FGD4: variants seen among roughly 807,000 people sequenced by gnomAD.
FGD4 encodes FYVE, RhoGEF and PH domain-containing protein 4.
FGD4 carries 42 observed loss-of-function variants against 102.0 expected under a neutral mutation model. The observed-to-expected ratio is 0.41, with a 90% CI of 0.32 to 0.53. FGD4 has a LOEUF of 0.53. Ranked by LOEUF, FGD4 falls within the 20% of genes least tolerant of loss-of-function variation. The probability of loss-of-function intolerance (pLI) is 0.21; values close to 1 mark genes in which losing one functional copy is unlikely to be tolerated. For synonymous variants in FGD4, 380 were observed against 375.7 expected (o/e 1.01, Z -0.13); for missense variants, 902 against 1,078.2 (o/e 0.84, Z 2.29).
intron 1 of FGD4, among the ~76,000 whole-genome samples, chr12:32,474,490 A>G (rs879393329): frequency 3.9e-5 from 6 of 152,226 alleles, no homozygotes; most frequent in Non-Finnish European, 7.3e-5. Context: ...CCAGTCACAA[A>G]AGACCATGTG....
chr12:32,460,504 A>G (rs543946249), intron 1 of FGD4, among the ~76,000 whole-genome samples: 2 of 142,586 alleles, frequency 1.4e-5, no homozygotes, highest in East Asian at 3.9e-4. Flanking sequence ...CCCGGTCTCA[A>G]AAAAAAAAAA....
intron 1 of FGD4, among the ~76,000 whole-genome samples, chr12:32,456,622 G>C (rs1942955372): frequency 6.6e-6 from 1 of 151,994 alleles, no homozygotes; most frequent in Non-Finnish European, 1.5e-5. Flanking sequence ...TTTAATTTTG[G>C]ATCTGTTTTG....
chr12:32,591,785 A>G (rs1168177102), intron 4 of FGD4, among the ~76,000 whole-genome samples: 1 of 152,236 alleles, frequency 6.6e-6, no homozygotes, highest in Non-Finnish European at 1.5e-5. Context: ...TTCATGAAGC[A>G]GTGGGCTACA....
At position 32,640,385 on chromosome 12, in the gene FGD4, A is replaced by G. The variant is rs1951099839; in HGVS notation, c.2564A>G (p.His855Arg). The change falls in exon 17 of 17, where the codon CAC becomes CGC. Residue 855 changes from histidine to arginine, a missense_variant. This residue lies in a region of FGD4 where 459 missense variants were observed against 619.0 expected (regional missense o/e 0.74). Transcript: ENST00000534526. ...SFKLTQSKSV[H>R]SFAADSEELK... ...AAACTGACCCAGTCTAAGTCCGTGCACAGCTTTGCTGCAGACAGTGAGGAA... is the reference window on the plus strand; with the variant it reads ...AAACTGACCCAGTCTAAGTCCGTGCGCAGCTTTGCTGCAGACAGTGAGGAA... 1.2e-6 allele frequency: 2 copies of G among 1,614,212 alleles called. No individual in the cohort carries two copies. Among genetic ancestry groups the G allele is most frequent in the Non-Finnish European group, 8.5e-7 (1 of 1,180,038 alleles).
intron 1 of FGD4, among the ~76,000 whole-genome samples, chr12:32,461,913 G>A (rs1274165127): frequency 6.6e-6 from 1 of 151,834 alleles, no homozygotes; most frequent in African/African-American, 2.4e-5. Flanking sequence ...TTTTAGTAGA[G>A]ACGGGCTTTC....
chr12:32,486,109 C>A (rs1278039134), intron 1 of FGD4: 2 of 1,527,140 alleles, frequency 1.3e-6, no homozygotes, highest in Non-Finnish European at 1.7e-6. Flanking sequence ...CAGAAGATTG[C>A]TGGATGTTAT....
intron 2 of FGD4, among the ~76,000 whole-genome samples, chr12:32,571,512 G>A (rs1295345836): frequency 6.6e-6 from 1 of 151,646 alleles, no homozygotes; most frequent in East Asian, 1.9e-4. Flanking sequence ...GTTACAAGAA[G>A]TATTGAGCTG....
intron 1 of FGD4, among the ~76,000 whole-genome samples, chr12:32,465,480 C>T (rs371191727): frequency 2.3e-4 from 35 of 151,698 alleles, no homozygotes; most frequent in African/African-American, 6.1e-4. Context: ...CCATCCCGGC[C>T]AACATGGTAA....
At chr12:32,614,673 G>A (rs1241345608) in intron 10 of FGD4, among the ~76,000 whole-genome samples, 1 of 152,202 alleles carries the variant, frequency 6.6e-6, no homozygotes, top group African/African-American at 2.4e-5. Context: ...ACACCTTACA[G>A]TCCTCTGACT....
At chr12:32,541,273 G>A (rs563084944) in intron 1 of FGD4, among the ~76,000 whole-genome samples, 16 of 152,324 alleles carry the variant, frequency 1.1e-4, no homozygotes, top group African/African-American at 3.8e-4. Flanking sequence ...GAAAAAATGT[G>A]AGGCCTGCTA....
chr12:32,611,358 G>A, intron 10 of FGD4, 75 bp downstream of exon 10: 1 of 1,560,866 alleles, frequency 6.4e-7, no homozygotes, highest in Non-Finnish European at 8.8e-7. Flanking sequence ...GCTCATGCCT[G>A]TAATCCCAGC....
intron 10 of FGD4, among the ~76,000 whole-genome samples, chr12:32,616,981 G>T (rs1015367688): frequency 6.8e-6 from 1 of 147,424 alleles, no homozygotes; most frequent in Non-Finnish European, 1.5e-5. Context: ...GGCATCACAT[G>T]GTGAGAGAGA....
At chr12:32,420,033 T>C (rs1029788457) in intron 1 of FGD4, among the ~76,000 whole-genome samples, 26 of 152,198 alleles carry the variant, frequency 1.7e-4, no homozygotes, top group African/African-American at 6.3e-4. Context: ...CTACTGTGAA[T>C]GCTCACCTGA....
intron 14 of FGD4, 124 bp downstream of exon 14, chr12:32,625,903 A>G (rs1950135947): frequency 7.5e-7 from 1 of 1,332,406 alleles, no homozygotes; most frequent in Non-Finnish European, 1.1e-6. Context: ...TTTGGTGCCA[A>G]TTACGTGCAG....
intron 1 of FGD4, among the ~76,000 whole-genome samples, chr12:32,467,846 T>C (rs1478444387): frequency 2.0e-5 from 3 of 152,044 alleles, no homozygotes; most frequent in African/African-American, 7.2e-5. Flanking sequence ...TGAAACCCTG[T>C]CTCTACTAAA....
chr12:32,585,834 CA>C (rs58688697), intron 4 of FGD4, among the ~76,000 whole-genome samples: 2,223 of 68,742 alleles, frequency 0.032, 5 homozygotes, highest in African/African-American at 0.037. Context: ...GACCTTGTCT[CA>C]AAAAAAAAAA....
intron 1 of FGD4, among the ~76,000 whole-genome samples, chr12:32,480,626 G>C (rs555121465): frequency 6.6e-6 from 1 of 150,706 alleles, no homozygotes; most frequent in African/African-American, 2.4e-5. Flanking sequence ...TCAGCCTTCC[G>C]AGTAGCTGGG....
intron 4 of FGD4, 82 bp downstream of exon 4, chr12:32,582,549 C>T (rs1276427565): frequency 6.4e-7 from 1 of 1,556,376 alleles, no homozygotes; most frequent in South Asian, 1.1e-5. Flanking sequence ...TATTGCACCC[C>T]TGAAATGTAT....
At chr12:32,538,159 A>G (rs1404586276) in intron 1 of FGD4, among the ~76,000 whole-genome samples, 1 of 152,208 alleles carries the variant, frequency 6.6e-6, no homozygotes, top group Non-Finnish European at 1.5e-5. Flanking sequence ...TGGTTTCCCA[A>G]AATGCTGGGA....
Sources: allele counts gnomAD v4.1 joint callset (sites outside exome capture counted in the v4.1 genomes callset), GRCh38; gene constraint gnomAD v4.1.1; regional missense constraint gnomAD v4.1.1; transcripts MANE v1.5; gene names NCBI Gene and HGNC (gene_info 2026-07-23, HGNC 2026-07-21).